Variants in DIS3L2 observed in about 807,000 individuals in gnomAD.
DIS3L2 encodes the protein DIS3-like exonuclease 2.
A neutral mutation model predicts 97.5 loss-of-function variants in DIS3L2; 34 were observed. That is an observed-to-expected ratio of 0.35 (90% CI 0.27 to 0.46). DIS3L2 has a LOEUF of 0.46. DIS3L2 is among the 20% of genes least tolerant of loss of function. The pLI is 1.00. For synonymous variants in DIS3L2, 435 were observed against 445.2 expected (o/e 0.98, Z 0.29); for missense variants, 1,038 against 1,146.0 (o/e 0.91, Z 1.36).
intron 14 of DIS3L2, among the ~76,000 whole-genome samples, chr2:232,308,594 C>A (rs1428123753): frequency 6.6e-6 from 1 of 152,192 alleles, no homozygotes. Flanking sequence ...GCTGAAGTGT[C>A]TGCCGCATTC....
At chr2:232,086,237 G>A (rs954039621) in intron 5 of DIS3L2, among the ~76,000 whole-genome samples, 6 of 150,662 alleles carry the variant, frequency 4.0e-5, no homozygotes, top group Non-Finnish European at 7.4e-5. Flanking sequence ...ACGTGTATAC[G>A]TATATATACA....
intron 13 of DIS3L2, among the ~76,000 whole-genome samples, chr2:232,291,434 T>G (rs1434738961): frequency 6.6e-6 from 1 of 152,260 alleles, no homozygotes; most frequent in Non-Finnish European, 1.5e-5. Context: ...TGTGCTAGGA[T>G]TTACCACTTT....
chr2:232,148,935 C>A (rs1171439089), intron 8 of DIS3L2, among the ~76,000 whole-genome samples: 1 of 147,434 alleles, frequency 6.8e-6, no homozygotes, highest in Non-Finnish European at 1.5e-5. Flanking sequence ...CTGATTGAAG[C>A]AGCCAACTCC....
At chr2:232,148,282 C>T (rs907499324) in intron 8 of DIS3L2, among the ~76,000 whole-genome samples, 28 of 152,132 alleles carry the variant, frequency 1.8e-4, no homozygotes, top group Non-Finnish European at 2.8e-4. Context: ...CTCTTGACTT[C>T]GTGATCCACC....
chr2:232,118,446 A>T (rs943272985), intron 6 of DIS3L2, among the ~76,000 whole-genome samples: 1 of 152,024 alleles, frequency 6.6e-6, no homozygotes, highest in Non-Finnish European at 1.5e-5. Context: ...ATAACAACGT[A>T]TTTTTTCCAG....
chr2:232,141,727 GTTCTGGTATCACCT>G (rs1210625974), intron 8 of DIS3L2, among the ~76,000 whole-genome samples: 1 of 152,170 alleles, frequency 6.6e-6, no homozygotes, highest in African/African-American at 2.4e-5. Context: ...GTGGAGGTCT[GTTCTGGTATCACCT>G]TTGTCTCCTA....
intron 5 of DIS3L2, among the ~76,000 whole-genome samples, chr2:232,051,538 C>A (rs537337487): frequency 6.6e-6 from 1 of 152,072 alleles, no homozygotes; most frequent in African/African-American, 2.4e-5. Context: ...TTCGGCTGGG[C>A]GCGGTGGCTC....
At chr2:232,318,190 G>A (rs1695330421) in intron 14 of DIS3L2, among the ~76,000 whole-genome samples, 1 of 152,240 alleles carries the variant, frequency 6.6e-6, no homozygotes, top group Non-Finnish European at 1.5e-5. Flanking sequence ...GCTCAAACAA[G>A]GGTAACTTGC....
chr2:232,305,057 T>C (rs1694953234), intron 14 of DIS3L2, among the ~76,000 whole-genome samples: 1 of 152,110 alleles, frequency 6.6e-6, no homozygotes, highest in Non-Finnish European at 1.5e-5. Flanking sequence ...CTTCCCAATA[T>C]GAATATTTGG....
At chr2:231,972,243 T>C (rs1175912945) in intron 1 of DIS3L2, among the ~76,000 whole-genome samples, 1 of 152,120 alleles carries the variant, frequency 6.6e-6, no homozygotes, top group Non-Finnish European at 1.5e-5. Flanking sequence ...TCTAAAATAA[T>C]GATAAAAGTA....
rs780922076 is a variant in DIS3L2 at position 232,329,871 on chromosome 2, G to A, written c.1798G>A (p.Ala600Thr). The change falls in exon 15 of 21, where the codon GCC (alanine) becomes ACC (threonine). Residue 600 changes from alanine to threonine, a missense_variant. Physicochemically the swap from Ala to Thr is moderately conservative, Grantham distance 58. This residue lies in a region of DIS3L2 where 813 missense variants were observed against 880.1 expected (regional missense o/e 0.92). Transcript: ENST00000325385. ...NMAVAHKIHR[A>T]FPEQALLRRH... ...GGCAGTGGCCCACAAGATCCACCGC[G>A]CCTTCCCCGAGCAGGCCCTGCTGCG... The A allele has an allele frequency of 2.9e-6, 4 of 1,396,416 alleles. No individual in the cohort carries two copies. The highest frequency in any genetic ancestry group is 2.9e-6 in the Non-Finnish European group (3 of 1,043,850). 86.5% of individuals were successfully genotyped at this position (1,396,416 alleles called of 1,614,324 possible). A position where few individuals can be genotyped will look rare whatever the true frequency, so the allele number is the denominator to read the frequency against.
chr2:232,255,682 G>T (rs748856175), intron 12 of DIS3L2, among the ~76,000 whole-genome samples: 2 of 152,154 alleles, frequency 1.3e-5, no homozygotes, highest in Non-Finnish European at 2.9e-5. Context: ...TAGGGCCAAA[G>T]ATCAGAATAA....
chr2:232,182,800 C>T (rs1691329281), intron 9 of DIS3L2, among the ~76,000 whole-genome samples: 1 of 152,178 alleles, frequency 6.6e-6, no homozygotes, highest in Non-Finnish European at 1.5e-5. Flanking sequence ...CACACACACA[C>T]ATACAATTAA....
At chr2:232,205,600 C>G (rs1385325740) in intron 9 of DIS3L2, among the ~76,000 whole-genome samples, 1 of 151,952 alleles carries the variant, frequency 6.6e-6, no homozygotes, top group Non-Finnish European at 1.5e-5. Context: ...CCGTGCCCAG[C>G]AAGTGTTTTT....
chr2:232,179,904 G>A (rs1691217202), intron 9 of DIS3L2, among the ~76,000 whole-genome samples: 2 of 129,654 alleles, frequency 1.5e-5, no homozygotes, highest in South Asian at 2.5e-4. Context: ...TGTGATGTTA[G>A]GGTGTCAATT....
intron 6 of DIS3L2, among the ~76,000 whole-genome samples, chr2:232,121,308 C>T (rs944422270): frequency 1.3e-5 from 2 of 152,140 alleles, no homozygotes; most frequent in Non-Finnish European, 2.9e-5. Flanking sequence ...TTTCTCCTAC[C>T]TCTGACCACA....
intron 8 of DIS3L2, among the ~76,000 whole-genome samples, chr2:232,159,359 A>G (rs1031641089): frequency 6.6e-6 from 1 of 152,230 alleles, no homozygotes; most frequent in Non-Finnish European, 1.5e-5. Flanking sequence ...AAGCCATTCT[A>G]GCTGTCATGA....
intron 13 of DIS3L2, among the ~76,000 whole-genome samples, chr2:232,342,819 G>A (rs930345762): frequency 2.0e-5 from 3 of 152,212 alleles, no homozygotes; most frequent in Non-Finnish European, 1.5e-5. Flanking sequence ...CAGGGTGAGG[G>A]GCCAGTCCCT....
At position 231,968,286 on chromosome 2, in the gene DIS3L2, C is replaced by T. The variant is rs145218572; in HGVS notation, c.-94+6521C>T. 7.7e-4 allele frequency among the ~76,000 whole-genome samples: 117 copies of T among 152,094 alleles called. 1 individual carries two copies. The East Asian group carries it at 0.014, about 18-fold the overall frequency. On this transcript the variant is annotated intron_variant, in intron 1 of 20. Transcript: ENST00000325385. The stretch of plus-strand genomic sequence containing the variant: ...CTAATTTTTGTATTTTTAATAGAGA[C>T]GGGGTTTCATTGTGTTAGCTAGGAT...
Sources: allele counts gnomAD v4.1 joint callset (sites outside exome capture counted in the v4.1 genomes callset), GRCh38; gene constraint gnomAD v4.1.1; regional missense constraint gnomAD v4.1.1; transcripts MANE v1.5; gene names NCBI Gene and HGNC (gene_info 2026-07-23, HGNC 2026-07-21).